FHIT: variants seen among roughly 807,000 people sequenced by gnomAD.
FHIT encodes the protein bis(5'-adenosyl)-triphosphatase.
FHIT carries 19 observed loss-of-function variants against 17.9 expected under a neutral mutation model. The observed-to-expected ratio is 1.06, with a 90% CI of 0.74 to 1.56. The LOEUF (loss-of-function observed/expected upper bound fraction) is 1.56. Ranked by LOEUF, FHIT falls within the 40% of genes most tolerant of loss-of-function variation. The probability of loss-of-function intolerance (pLI) is 0.00; values close to 1 mark genes in which losing one functional copy is unlikely to be tolerated. For missense variants in FHIT, 248 were observed against 189.2 expected, an observed-to-expected ratio of 1.31 and a Z score of -1.82; for synonymous variants, 81 against 69.7, an observed-to-expected ratio of 1.16 and a Z score of -0.81.
In FHIT at chr3:60,695,729, C is replaced by A. The variant is rs183157953; in HGVS notation, c.-18+126190G>T. ...AGCATTCTGGGTAAGAACAGGGACG[C>A]TGGGACAAGATTGTAGAGGCTCTGC... is the stretch of plus-strand genomic sequence containing the variant. On this transcript the variant is annotated intron_variant, in intron 4 of 9. Coordinates refer to ENST00000492590, the MANE Select transcript of FHIT (RefSeq NM_002012.4). Among the ~76,000 whole-genome samples, 567 of 152,238 alleles carry A rather than the reference C, an allele frequency of 3.7e-3. 2 individuals carry two copies. Among genetic ancestry groups the A allele is most frequent in the Non-Finnish European group, 6.4e-3 (435 of 68,018 alleles).
intron 4 of FHIT, among the ~76,000 whole-genome samples, chr3:60,620,536 CA>C (rs2039091503): frequency 6.7e-6 from 1 of 149,542 alleles, no homozygotes; most frequent in Non-Finnish European, 1.5e-5. Context: ...CAAAAGGAGC[CA>C]AATTTTAAGG....
At chr3:60,897,358 T>C (rs1260722402) in intron 3 of FHIT, among the ~76,000 whole-genome samples, 1 of 152,216 alleles carries the variant, frequency 6.6e-6, no homozygotes, top group Non-Finnish European at 1.5e-5. Flanking sequence ...CAACGTGTAG[T>C]AACTTTCTAT....
At chr3:60,118,817 G>T (rs1705111097) in intron 5 of FHIT, among the ~76,000 whole-genome samples, 2 of 147,782 alleles carry the variant, frequency 1.4e-5, no homozygotes, top group Admixed American at 6.8e-5. Flanking sequence ...AGGAGTTTGA[G>T]ACCAGCCTGG....
At chr3:60,123,149 T>C (rs1339474822) in intron 5 of FHIT, among the ~76,000 whole-genome samples, 1 of 152,092 alleles carries the variant, frequency 6.6e-6, no homozygotes, top group Non-Finnish European at 1.5e-5. Context: ...TGAGAGAAAA[T>C]ATAAAAAGAA....
intron 5 of FHIT, among the ~76,000 whole-genome samples, chr3:60,441,771 TATATGTATAAAA>T (rs2030865532): frequency 3.1e-4 from 1 of 3,194 alleles, no homozygotes; most frequent in South Asian, 0.01. Flanking sequence ...TATATATATT[TATATGTATAAAA>T]ATATATATAT....
At chr3:59,972,147 G>C (rs1188994955) in intron 7 of FHIT, among the ~76,000 whole-genome samples, 3 of 152,124 alleles carry the variant, frequency 2.0e-5, no homozygotes, top group South Asian at 4.2e-4. Flanking sequence ...AGTGAGGATG[G>C]GTACTCAGAA....
chr3:60,746,451 C>T (rs1291345090), intron 4 of FHIT, among the ~76,000 whole-genome samples: 4 of 152,176 alleles, frequency 2.6e-5, no homozygotes, highest in African/African-American at 7.2e-5. Flanking sequence ...GCGACAGCAG[C>T]GGCCTATGGT....
chr3:60,654,565 G>A (rs544421157), intron 4 of FHIT, among the ~76,000 whole-genome samples: 16 of 60,910 alleles, frequency 2.6e-4, no homozygotes, highest in African/African-American at 6.4e-4. Context: ...AGAAATTCCA[G>A]CAAAAACAAA....
intron 5 of FHIT, among the ~76,000 whole-genome samples, chr3:60,437,537 G>A (rs1253773398): frequency 5.3e-5 from 8 of 152,010 alleles, no homozygotes; most frequent in Admixed American, 5.2e-4. Context: ...TACATCCTAT[G>A]CACTGTGCTC....
intron 4 of FHIT, among the ~76,000 whole-genome samples, chr3:60,735,531 A>G (rs1203094055): frequency 6.6e-6 from 1 of 152,242 alleles, no homozygotes; most frequent in Non-Finnish European, 1.5e-5. Flanking sequence ...TTTAAAAAAA[A>G]TCTTGCTGGC....
At chr3:60,107,655 A>C (rs970803289) in intron 5 of FHIT, among the ~76,000 whole-genome samples, 3 of 152,174 alleles carry the variant, frequency 2.0e-5, no homozygotes, top group African/African-American at 7.2e-5. Flanking sequence ...GGACAGGCTT[A>C]AGTTCTGTTT....
At chr3:60,145,692 C>A (rs991318474) in intron 5 of FHIT, among the ~76,000 whole-genome samples, 1 of 152,178 alleles carries the variant, frequency 6.6e-6, no homozygotes, top group Non-Finnish European at 1.5e-5. Context: ...ATTACCCTTA[C>A]AATGAGCAGC....
chr3:59,759,859 C>T (rs993000), intron 8 of FHIT, among the ~76,000 whole-genome samples: 29,161 of 152,016 alleles, frequency 0.19, 3,255 homozygotes, highest in African/African-American at 0.3. Flanking sequence ...TCTTGGACCA[C>T]AAACCTCTGC....
At chr3:60,608,287 C>G (rs2038673110) in intron 4 of FHIT, among the ~76,000 whole-genome samples, 1 of 152,142 alleles carries the variant, frequency 6.6e-6, no homozygotes, top group Non-Finnish European at 1.5e-5. Flanking sequence ...TTATTCTAGA[C>G]CAGAATCAGC....
intron 5 of FHIT, among the ~76,000 whole-genome samples, chr3:60,533,572 G>C (rs1367233994): frequency 6.6e-6 from 1 of 152,194 alleles, no homozygotes; most frequent in Non-Finnish European, 1.5e-5. Flanking sequence ...ATAAGGAAGT[G>C]AGTGTCACAA....
intron 5 of FHIT, among the ~76,000 whole-genome samples, chr3:60,148,809 C>T (rs938293986): frequency 6.6e-6 from 1 of 152,198 alleles, no homozygotes; most frequent in Non-Finnish European, 1.5e-5. Context: ...TTCATTCATT[C>T]TTAGGCATTA....
intron 4 of FHIT, among the ~76,000 whole-genome samples, chr3:60,746,858 T>G (rs1017840940): frequency 3.9e-5 from 6 of 151,978 alleles, no homozygotes; most frequent in African/African-American, 1.5e-4. Context: ...AGTAAAAGAG[T>G]TCAGCTATTG....
chr3:61,007,679 C>T (rs900121829), intron 3 of FHIT, among the ~76,000 whole-genome samples: 5 of 151,998 alleles, frequency 3.3e-5, no homozygotes, highest in South Asian at 2.1e-4. Context: ...ATGCCCTATG[C>T]GACTACAGAA....
At chr3:60,342,021 G>T (rs1433530994) in intron 5 of FHIT, among the ~76,000 whole-genome samples, 2 of 152,248 alleles carry the variant, frequency 1.3e-5, no homozygotes, top group South Asian at 2.1e-4. Context: ...TCTCAGCAAA[G>T]CAAGAGGGGA....
Sources: allele counts gnomAD v4.1 joint callset (sites outside exome capture counted in the v4.1 genomes callset), GRCh38; gene constraint gnomAD v4.1.1; transcripts MANE v1.5; gene names NCBI Gene and HGNC (gene_info 2026-07-23, HGNC 2026-07-21).